Variants in PLB1 observed in about 807,000 individuals in gnomAD.
PLB1 encodes the protein phospholipase B1, membrane-associated.
A neutral mutation model predicts 227.4 loss-of-function variants in PLB1; 242 were observed. The observed-to-expected ratio is 1.06, with a 90% CI of 0.96 to 1.18. The LOEUF is 1.18. PLB1 is among the 50% of genes most tolerant of loss of function. The probability of loss-of-function intolerance (pLI) is 0.00; values close to 1 mark genes in which losing one functional copy is unlikely to be tolerated. For synonymous variants in PLB1, 757 were observed against 682.2 expected, an observed-to-expected ratio of 1.11 and a Z score of -1.71; for missense variants, 1,858 against 1,816.3, an observed-to-expected ratio of 1.02 and a Z score of -0.42.
chr2:28,636,447 T>C (rs1689373175), intron 56 of PLB1, among the ~76,000 whole-genome samples: 1 of 152,184 alleles, frequency 6.6e-6, no homozygotes, highest in South Asian at 2.1e-4. Flanking sequence ...ACACATGTAT[T>C]TCCTGTGATC....
At chr2:28,505,416 G>A (rs1180107723) in intron 1 of PLB1, among the ~76,000 whole-genome samples, 4 of 152,092 alleles carry the variant, frequency 2.6e-5, no homozygotes, top group South Asian at 2.1e-4. Context: ...AACTGCAGTC[G>A]GCAAAAGCAA....
At chr2:28,514,850 T>A (rs1025243658) in intron 1 of PLB1, among the ~76,000 whole-genome samples, 3 of 152,158 alleles carry the variant, frequency 2.0e-5, no homozygotes, top group African/African-American at 7.2e-5. Context: ...TTATTTTATT[T>A]TTTTATTTTT....
At chr2:28,547,969 T>A (rs1673560200) in intron 14 of PLB1, among the ~76,000 whole-genome samples, 1 of 152,250 alleles carries the variant, frequency 6.6e-6, no homozygotes, top group Admixed American at 6.5e-5. Context: ...ATAAATGTTT[T>A]ATCTACGTTA....
At chr2:28,542,361 C>G (rs1672626787) in intron 13 of PLB1, among the ~76,000 whole-genome samples, 1 of 152,118 alleles carries the variant, frequency 6.6e-6, no homozygotes, top group Admixed American at 6.5e-5. Flanking sequence ...GCAGGGCAGC[C>G]CAGGGTGCAT....
intron 6 of PLB1, among the ~76,000 whole-genome samples, chr2:28,527,414 G>A (rs192504149): frequency 6.6e-6 from 1 of 152,344 alleles, no homozygotes; most frequent in African/African-American, 2.4e-5. Context: ...AGCAGGAGGA[G>A]CAGGTCTTCC....
At chr2:28,602,073 G>A (rs67381370) in intron 38 of PLB1, 109 bp downstream of exon 38, 290,358 of 1,082,596 alleles carry the variant, frequency 0.27, 39,378 homozygotes, top group East Asian at 0.33. Flanking sequence ...GAGACAGCCA[G>A]GGGCATGGAC....
At position 28,569,255 on chromosome 2, in the gene PLB1, C is replaced by T. The variant is rs188832100; in HGVS notation, c.1324+2416C>T. ...GCTGAGATACTAGCCATTCTCAGCA[C>T]CTACATGTCTTTGAACAAATCTCCA... On this transcript the variant is annotated intron_variant, in intron 20 of 57. Transcript: ENST00000327757. Among the ~76,000 whole-genome samples, 4 of 152,230 alleles carry T rather than the reference C, an allele frequency of 2.6e-5. No individual in the cohort carries two copies. In the East Asian group the frequency reaches 7.7e-4, roughly 29 times the overall value.
rs1399061605 is a variant in PLB1 at position 28,581,534 on chromosome 2, T to TAAATAAAA, written c.1567-531_1567-530insTAAAAAAA. On this transcript the variant is annotated intron_variant, in intron 23 of 57. Coordinates refer to ENST00000327757, the MANE Select transcript of PLB1 (RefSeq NM_153021.5). Reference sequence around the variant, plus strand: ...ATAAATAAATAAATAAATAAATAAATAAAATTAAAAAAAGAGGCATAGGCA... The same window carrying TAAATAAAA: ...ATAAATAAATAAATAAATAAATAAATAAATAAAAAAAATTAAAAAAAGAGGCATAGGCA... Among the ~76,000 whole-genome samples the TAAATAAAA allele has an allele frequency of 6.2e-4, 76 of 123,110 alleles. 1 individual carries two copies. Among genetic ancestry groups the TAAATAAAA allele is most frequent in the African/African-American group, 2.3e-3 (74 of 32,506 alleles). 80.8% of individuals were successfully genotyped at this position (123,110 alleles called of 152,430 possible).
At chr2:28,511,865 A>G (rs1305323801) in intron 1 of PLB1, among the ~76,000 whole-genome samples, 2 of 149,316 alleles carry the variant, frequency 1.3e-5, no homozygotes, top group Non-Finnish European at 3.0e-5. Context: ...GCTCACTGCA[A>G]TCTCTGCCTC....
rs138844252 is a variant in PLB1 at position 28,590,044 on chromosome 2, G to A, written c.2056G>A (p.Glu686Lys). The change falls in exon 29 of 58, where the codon GAA becomes AAA. Residue 686 changes from glutamate (E) to lysine (K), a missense_variant. Physicochemically the swap from Glu to Lys is moderately conservative, Grantham distance 56. Transcript: ENST00000327757. ...CCAGAAGACGACTCGTCATAAGTTT[G>A]AAAACAAGATCAATATCACATGTCC... ...VGQKTTRHKF[E>K]NKINITCPNQ... 8 of 1,613,626 alleles carry A rather than the reference G, an allele frequency of 5.0e-6. No individual in the cohort carries two copies. The highest frequency in any genetic ancestry group is 1.7e-5 in the Admixed American group (1 of 59,988).
intron 21 of PLB1, among the ~76,000 whole-genome samples, chr2:28,573,851 T>C (rs1053153310): frequency 6.6e-6 from 1 of 152,348 alleles, no homozygotes; most frequent in African/African-American, 2.4e-5. Flanking sequence ...AATGCCATAT[T>C]GGATACGAAA....
chr2:28,531,960 C>G, intron 8 of PLB1, 148 bp from the exon 9 acceptor site: 1 of 601,752 alleles, frequency 1.7e-6, no homozygotes, highest in Non-Finnish European at 3.0e-6. Flanking sequence ...CCACTTTAAA[C>G]TCCTGCCATA....
At chr2:28,547,211 A>AAAC (rs1179302640) in intron 14 of PLB1, among the ~76,000 whole-genome samples, 1 of 52,482 alleles carries the variant, frequency 1.9e-5, no homozygotes, top group African/African-American at 4.5e-5. Context: ...CCAAAAAAAA[A>AAAC]AAAAAGAAAA....
chr2:28,501,784 T>C (rs1174034953), intron 1 of PLB1, among the ~76,000 whole-genome samples: 2 of 152,206 alleles, frequency 1.3e-5, no homozygotes, highest in East Asian at 1.9e-4. Flanking sequence ...CTGAAAATTA[T>C]ACTACATCAG....
chr2:28,613,331 T>C (rs1685751521), intron 43 of PLB1, among the ~76,000 whole-genome samples: 1 of 152,252 alleles, frequency 6.6e-6, no homozygotes, highest in African/African-American at 2.4e-5. Flanking sequence ...GCCCGGTTGC[T>C]GTTTCCTGAT....
intron 27 of PLB1, 21 bp downstream of exon 27, chr2:28,589,575 A>G (rs773728253): frequency 6.2e-7 from 1 of 1,612,718 alleles, no homozygotes; most frequent in Non-Finnish European, 8.5e-7. Flanking sequence ...CAAGCATCGT[A>G]GAAAAATAGA....
At chr2:28,612,781 T>C (rs1243576181) in intron 43 of PLB1, among the ~76,000 whole-genome samples, 5 of 150,804 alleles carry the variant, frequency 3.3e-5, no homozygotes, top group African/African-American at 4.9e-5. Context: ...TTTTTTTTTT[T>C]TTTTTTTGTA....
chr2:28,590,294 G>T (rs1681680522), intron 29 of PLB1, among the ~76,000 whole-genome samples: 1 of 152,130 alleles, frequency 6.6e-6, no homozygotes, highest in Admixed American at 6.5e-5. Context: ...GCGTGGCTGG[G>T]AGCCCTCACA....
intron 20 of PLB1, among the ~76,000 whole-genome samples, chr2:28,571,919 GAAAAA>G (rs906393690): frequency 6.7e-6 from 1 of 150,014 alleles, no homozygotes; most frequent in African/African-American, 2.4e-5. Flanking sequence ...AGTGACAAAA[GAAAAA>G]AAAATCGATA....
Sources: gnomAD v4.1 joint callset for allele counts (sites outside exome capture counted in the v4.1 genomes callset) on GRCh38, gnomAD v4.1.1 for gene constraint, MANE v1.5 for transcripts, NCBI Gene and HGNC (gene_info 2026-07-23, HGNC 2026-07-21) for gene names.